SCMH1: variants seen among roughly 807,000 people sequenced by gnomAD.
The protein encoded by SCMH1 is Scm polycomb group protein homolog 1.
In SCMH1, 37 loss-of-function variants were observed where a neutral mutation model predicts 70.8. That is an observed-to-expected ratio of 0.52 (90% CI 0.40 to 0.69). The LOEUF is 0.69. SCMH1 is among the 30% of genes least tolerant of loss of function. SCMH1 has a pLI of 0.00. For missense variants in SCMH1, 607 were observed against 827.3 expected (o/e 0.73, Z 3.27); for synonymous variants, 292 against 307.4 (o/e 0.95, Z 0.52).
chr1:41,209,394 C>T (rs1444585891), intron 1 of SCMH1, among the ~76,000 whole-genome samples: 5 of 152,276 alleles, frequency 3.3e-5, no homozygotes, highest in South Asian at 2.1e-4. Context: ...GATACCAAAG[C>T]CTGGCAGAGA....
intron 2 of SCMH1, chr1:41,185,915 G>A (rs555309137): frequency 3.7e-5 from 14 of 374,904 alleles, no homozygotes; most frequent in African/African-American, 4.2e-5. Context: ...ATGAGCCACC[G>A]AGAAATATTT....
chr1:41,181,407 A>G (rs1006104690), intron 2 of SCMH1, among the ~76,000 whole-genome samples: 15 of 152,212 alleles, frequency 9.9e-5, no homozygotes, highest in Non-Finnish European at 2.2e-4. Flanking sequence ...CAGAGTGAAC[A>G]GGCAACCTAC....
intron 7 of SCMH1, among the ~76,000 whole-genome samples, chr1:41,115,903 G>A (rs1557508819): frequency 6.6e-6 from 1 of 152,036 alleles, no homozygotes; most frequent in African/African-American, 2.4e-5. Context: ...ATAGCATATA[G>A]CTAGATTTTT....
chr1:41,124,011 G>A (rs1054213310), intron 6 of SCMH1, among the ~76,000 whole-genome samples: 6 of 152,118 alleles, frequency 3.9e-5, no homozygotes, highest in Middle Eastern at 3.4e-3. Context: ...GAGAAGGCCT[G>A]GGGAACATGG....
At chr1:41,130,683 G>A (rs544784060) in intron 6 of SCMH1, among the ~76,000 whole-genome samples, 11 of 152,096 alleles carry the variant, frequency 7.2e-5, no homozygotes, top group Non-Finnish European at 1.5e-4. Context: ...AGTTCAATGG[G>A]TTTTAGTACT....
chr1:41,142,942 G>A (rs1440027801), exon 6 of SCMH1: 12 of 1,614,140 alleles, frequency 7.4e-6, no homozygotes, highest in Non-Finnish European at 8.5e-6. Context: ...TTTCAGCTGA[G>A]TCAACCAGCC....
intron 2 of SCMH1, among the ~76,000 whole-genome samples, chr1:41,179,971 C>T (rs1229590475): frequency 6.6e-6 from 1 of 152,078 alleles, no homozygotes; most frequent in Admixed American, 6.6e-5. Flanking sequence ...CTCAATAAAA[C>T]ACTGGCAAAC....
At chr1:41,148,714 C>G (rs1477262166) in intron 5 of SCMH1, among the ~76,000 whole-genome samples, 1 of 151,996 alleles carries the variant, frequency 6.6e-6, no homozygotes, top group Non-Finnish European at 1.5e-5. Flanking sequence ...TTATGATATG[C>G]CTCTGAGTAG....
At chr1:41,075,488 C>T in intron 8 of SCMH1, 37 bp from the exon 9 acceptor site, 1 of 1,540,760 alleles carries the variant, frequency 6.5e-7, no homozygotes, top group South Asian at 1.1e-5. Flanking sequence ...CCCTCCCTCC[C>T]CCCTGCATTC....
chr1:41,063,334 G>A (rs948020624), intron 10 of SCMH1, among the ~76,000 whole-genome samples: 3 of 152,034 alleles, frequency 2.0e-5, no homozygotes, highest in African/African-American at 7.2e-5. Flanking sequence ...TTAGCTGGGC[G>A]TGGTGGTGCA....
chr1:41,092,831 TCA>T (rs1466781375), intron 8 of SCMH1, among the ~76,000 whole-genome samples: 2 of 152,122 alleles, frequency 1.3e-5, no homozygotes, highest in East Asian at 3.9e-4. Flanking sequence ...AGATACCATC[TCA>T]CACCAGTTAG....
chr1:41,128,595 GT>G (rs1331997732), intron 6 of SCMH1, among the ~76,000 whole-genome samples: 3 of 151,960 alleles, frequency 2.0e-5, no homozygotes, highest in Non-Finnish European at 4.4e-5. Context: ...TCTCTTTATC[GT>G]GGGTTTTCAG....
intron 5 of SCMH1, among the ~76,000 whole-genome samples, chr1:41,151,252 T>TGCTG (rs1007349895): frequency 6.6e-6 from 1 of 152,036 alleles, no homozygotes; most frequent in African/African-American, 2.4e-5. Flanking sequence ...GTGACAGGAG[T>TGCTG]GCTGAGTACA....
chr1:41,189,141 T>C (rs1572938577), intron 1 of SCMH1, among the ~76,000 whole-genome samples: 1 of 152,156 alleles, frequency 6.6e-6, no homozygotes, highest in Non-Finnish European at 1.5e-5. Context: ...AACAAGTTTT[T>C]TTTGTTGTTG....
Position 41,113,631 on chromosome 1 carries a change from CT to C in SCMH1, c.502-106del. On this transcript the variant is annotated intron_variant, in intron 7 of 14. Transcript: ENST00000337495. The surrounding 1 kb of genome is among the most constrained non-coding windows in gnomAD (Gnocchi z 4.3). ...ATTAAAAAGTGACTGCTACATGAGA[CT>C]TATAATGGATATATAGCCTTTCTTT... 8.3e-7 allele frequency: 1 copy of C among 1,200,712 alleles called. No individual in the cohort carries two copies. The highest frequency in any genetic ancestry group is 1.1e-6 in the Non-Finnish European group (1 of 873,666). The allele number at this position is 1,200,712 out of a possible 1,614,324, so 74.4% of individuals were successfully genotyped here.
intron 8 of SCMH1, among the ~76,000 whole-genome samples, chr1:41,082,047 C>A (rs1349397166): frequency 3.9e-5 from 6 of 151,980 alleles, no homozygotes; most frequent in Admixed American, 3.9e-4. Context: ...ACACCAGATA[C>A]AAAAATTAAT....
At chr1:41,029,827 T>C (rs1644272003) in intron 13 of SCMH1, among the ~76,000 whole-genome samples, 1 of 152,224 alleles carries the variant, frequency 6.6e-6, no homozygotes, top group Non-Finnish European at 1.5e-5. Context: ...GTATTTAGTA[T>C]ATTCTTGGTT....
intron 10 of SCMH1, among the ~76,000 whole-genome samples, chr1:41,058,742 G>T (rs1651505467): frequency 6.6e-6 from 1 of 152,172 alleles, no homozygotes; most frequent in Non-Finnish European, 1.5e-5. Flanking sequence ...ACATTCTTGT[G>T]AGACTTTAGT....
chr1:41,099,215 T>C (rs74811781), intron 8 of SCMH1: 9,023 of 160,884 alleles, frequency 0.056, 298 homozygotes, highest in Non-Finnish European at 0.069. Context: ...CAGAATAAAA[T>C]CAAATCAGCA....
Sources: gnomAD v4.1 joint callset for allele counts (sites outside exome capture counted in the v4.1 genomes callset) on GRCh38, gnomAD v4.1.1 for gene constraint, Gnocchi (gnomAD v3.1) non-coding constraint, MANE v1.5 for transcripts, NCBI Gene and HGNC (gene_info 2026-07-23, HGNC 2026-07-21) for gene names.